Variants in CBL observed in about 807,000 individuals in gnomAD.
CBL encodes the protein Cbl proto-oncogene.
In CBL, 45 loss-of-function variants were observed where a neutral mutation model predicts 96.9. The observed-to-expected ratio is 0.46, with a 90% CI of 0.37 to 0.60. The LOEUF (loss-of-function observed/expected upper bound fraction) is 0.60, where lower values mean the gene tolerates loss of function less well. CBL is among the 20% of genes least tolerant of loss of function. The pLI is 0.00. For missense variants in CBL, 1,024 were observed against 1,143.5 expected, an observed-to-expected ratio of 0.90 and a Z score of 1.51; for synonymous variants, 420 against 426.8, an observed-to-expected ratio of 0.98 and a Z score of 0.20.
intron 1 of CBL, 44 bp downstream of exon 1, chr11:119,206,656 G>T: frequency 2.6e-6 from 4 of 1,526,062 alleles, no homozygotes; most frequent in Non-Finnish European, 3.5e-6. Context: ...GTGGGCGTGG[G>T]CGGAGGGCCG....
intron 1 of CBL, among the ~76,000 whole-genome samples, chr11:119,218,237 G>A (rs1234240537): frequency 6.6e-6 from 1 of 152,156 alleles, no homozygotes; most frequent in Non-Finnish European, 1.5e-5. Context: ...TACAACTGAA[G>A]GTATGTAGAG....
rs1189288965 is a variant in CBL at position 119,285,350 on chromosome 11, A to G, written c.1725A>G (p.Arg575=). Residue 575 remains arginine, a synonymous_variant, in exon 11 of 16, where the codon AGA becomes AGG. Coordinates refer to ENST00000264033, the MANE Select transcript of CBL (RefSeq NM_005188.4). ...GTACACCAGGCGACTGTCCCTCCAG[A>G]GACAAACTGCCCCCTGTCCCCTCTA... ...LPCTPGDCPS[R]DKLPPVPSSR... is the part of the protein sequence containing the mutation. The G allele has an allele frequency of 1.2e-6, 2 of 1,614,010 alleles. No individual in the cohort carries two copies. Among genetic ancestry groups the G allele is most frequent in the Non-Finnish European group, 1.7e-6 (2 of 1,180,038 alleles).
intron 1 of CBL, among the ~76,000 whole-genome samples, chr11:119,228,280 T>C (rs1460601579): frequency 6.6e-6 from 1 of 152,202 alleles, no homozygotes; most frequent in Non-Finnish European, 1.5e-5. Flanking sequence ...CTTAATGTTT[T>C]TTTATATGTT....
chr11:119,232,947 T>C (rs1037975966), intron 2 of CBL, among the ~76,000 whole-genome samples: 1 of 152,132 alleles, frequency 6.6e-6, no homozygotes, highest in Admixed American at 6.6e-5. Context: ...AGTAGGTCCT[T>C]TGGAGAACCT....
At chr11:119,286,603 G>A (rs1160206556) in intron 11 of CBL, among the ~76,000 whole-genome samples, 1 of 152,150 alleles carries the variant, frequency 6.6e-6, no homozygotes, top group Non-Finnish European at 1.5e-5. Context: ...AATTTTGTCA[G>A]TAGGAGAAAG....
At chr11:119,256,015 A>T (rs1949708257) in intron 2 of CBL, among the ~76,000 whole-genome samples, 1 of 151,478 alleles carries the variant, frequency 6.6e-6, no homozygotes, top group Non-Finnish European at 1.5e-5. Flanking sequence ...GATTACAGGC[A>T]TGAGCCACTG....
At chr11:119,291,653 C>T (rs552291521) in intron 12 of CBL, among the ~76,000 whole-genome samples, 7 of 152,112 alleles carry the variant, frequency 4.6e-5, no homozygotes, top group South Asian at 2.1e-4. Context: ...GGCTGTAGTG[C>T]GCCATGATTG....
At position 119,306,704 on chromosome 11, in the gene CBL, G is replaced by A. The variant is rs959211651; in HGVS notation, c.*6923G>A. 3.8e-6 allele frequency: 1 copy of A among 260,148 alleles called. No homozygotes were observed. The highest frequency in any genetic ancestry group is 7.3e-6 in the Non-Finnish European group (1 of 136,330). 16.1% of individuals were successfully genotyped at this position (260,148 alleles called of 1,614,324 possible). On this transcript the variant is annotated 3_prime_UTR_variant, in exon 16 of 16. Coordinates refer to ENST00000264033, the MANE Select transcript of CBL (RefSeq NM_005188.4). ...ATGGCCTGTTTCTCCTGCTGTCTGG[G>A]TGAGTGAGCCTGCAACGCAATGCCC...
intron 2 of CBL, among the ~76,000 whole-genome samples, chr11:119,257,631 G>C (rs1362049010): frequency 6.6e-6 from 1 of 152,138 alleles, no homozygotes; most frequent in African/African-American, 2.4e-5. Flanking sequence ...CTAGGTCAAT[G>C]TCCAGAAGAG....
intron 2 of CBL, among the ~76,000 whole-genome samples, chr11:119,262,595 G>C (rs957675426): frequency 1.3e-5 from 2 of 152,188 alleles, no homozygotes; most frequent in African/African-American, 2.4e-5. Flanking sequence ...TTCCAGTTCA[G>C]TTCTACAAAT....
chr11:119,277,696 T>G (rs1017583226), intron 6 of CBL, 61 bp from the exon 7 acceptor site: 7 of 1,076,370 alleles, frequency 6.5e-6, no homozygotes, highest in Non-Finnish European at 1.0e-5. Context: ...TCCATTTGTC[T>G]ATATTAGCAA....
chr11:119,306,160 C>A lies in CBL; in HGVS notation c.*6379C>A. 1 of 397,736 alleles carries A rather than the reference C, an allele frequency of 2.5e-6. No individual in the cohort carries two copies. The highest frequency in any genetic ancestry group is 1.4e-4 in the South Asian group (1 of 7,318). 24.6% of individuals were successfully genotyped at this position (397,736 alleles called of 1,614,324 possible). A position where few individuals can be genotyped will look rare whatever the true frequency, so the allele number is the denominator to read the frequency against. ...CAAGCCCCGCATGTCCATGGCGAGT[C>A]AGGTGGGGAGCACGGGTGGAAGGGC... On this transcript the variant is annotated 3_prime_UTR_variant, in exon 16 of 16. Coordinates refer to ENST00000264033, the MANE Select transcript of CBL (RefSeq NM_005188.4).
intron 2 of CBL, among the ~76,000 whole-genome samples, chr11:119,267,445 T>C (rs553009025): frequency 6.6e-5 from 10 of 152,156 alleles, no homozygotes; most frequent in African/African-American, 2.2e-4. Flanking sequence ...CCTGGTAGAT[T>C]TTCGGTAGAA....
chr11:119,256,255 G>A (rs932260693), intron 2 of CBL, among the ~76,000 whole-genome samples: 1 of 150,484 alleles, frequency 6.6e-6, no homozygotes, highest in Admixed American at 6.6e-5. Context: ...GCAGTGGTGC[G>A]ATCTCGACTC....
intron 2 of CBL, among the ~76,000 whole-genome samples, chr11:119,266,166 C>T (rs998928155): frequency 4.6e-5 from 7 of 151,972 alleles, no homozygotes; most frequent in Admixed American, 6.6e-5. Context: ...TTAATAAATG[C>T]GTCTTTAATA....
chr11:119,206,513 C>A lies in CBL; in HGVS notation c.96C>A (p.Ala32=). 1.3e-6 allele frequency: 2 copies of A among 1,560,038 alleles called. No individual in the cohort carries two copies. Among genetic ancestry groups the A allele is most frequent in the East Asian group, 2.4e-5 (1 of 41,994 alleles). The change falls in exon 1 of 16, where the codon GCC becomes GCA. Residue 32 remains alanine (A), a synonymous_variant. Transcript: ENST00000264033. ...SGGLIGLMKD[A]FQPHHHHHHH... ...GCCTGATTGGGCTCATGAAGGACGCCTTCCAGCCGCACCACCACCACCACC... is the reference window on the plus strand; with the variant it reads ...GCCTGATTGGGCTCATGAAGGACGCATTCCAGCCGCACCACCACCACCACC...
intron 1 of CBL, among the ~76,000 whole-genome samples, chr11:119,226,004 C>T (rs1455011092): frequency 6.6e-6 from 1 of 152,198 alleles, no homozygotes; most frequent in East Asian, 1.9e-4. Flanking sequence ...GCTGGGATTA[C>T]AGGCATGAGC....
intron 2 of CBL, among the ~76,000 whole-genome samples, chr11:119,257,087 A>G (rs909684640): frequency 7.2e-5 from 11 of 152,350 alleles, no homozygotes; most frequent in African/African-American, 2.4e-4. Context: ...GTAGATACCC[A>G]GTGGTGGGCT....
chr11:119,305,284 G>C lies in CBL; in HGVS notation c.*5503G>C, dbSNP rs1591274358. The C allele has an allele frequency of 4.3e-6, 1 of 231,948 alleles. No individual in the cohort carries two copies. Among genetic ancestry groups the C allele is most frequent in the Non-Finnish European group, 8.5e-6 (1 of 117,314 alleles). 14.4% of individuals were successfully genotyped at this position (231,948 alleles called of 1,614,324 possible). A position where few individuals can be genotyped will look rare whatever the true frequency, so the allele number is the denominator to read the frequency against. On this transcript the variant is annotated 3_prime_UTR_variant, in exon 16 of 16. Coordinates refer to ENST00000264033, the MANE Select transcript of CBL (RefSeq NM_005188.4). ...AAGATTTCTTCCCTCCCTCTTGTGGGCCAGCCTGTCCTGTTCCAGAGCTAG... is the reference window on the plus strand; with the variant it reads ...AAGATTTCTTCCCTCCCTCTTGTGGCCCAGCCTGTCCTGTTCCAGAGCTAG...
Sources: allele counts gnomAD v4.1 joint callset (sites outside exome capture counted in the v4.1 genomes callset), GRCh38; gene constraint gnomAD v4.1.1; transcripts MANE v1.5; gene names NCBI Gene and HGNC (gene_info 2026-07-23, HGNC 2026-07-21).